The following PAPPA variants were observed in gnomAD, a reference collection of about 807,000 sequenced individuals.
The protein encoded by PAPPA is pappalysin 1, also known as pappalysin-1.
A neutral mutation model predicts 164.0 loss-of-function variants in PAPPA; 60 were observed. The observed-to-expected ratio is 0.37, with a 90% CI of 0.30 to 0.45. PAPPA has a LOEUF of 0.45. Ranked by LOEUF, PAPPA falls within the 20% of genes least tolerant of loss-of-function variation. The pLI is 1.00. For synonymous variants in PAPPA, 875 were observed against 814.1 expected, an observed-to-expected ratio of 1.07 and a Z score of -1.27; for missense variants, 1,782 against 2,087.3, an observed-to-expected ratio of 0.85 and a Z score of 2.85.
intron 21 of PAPPA, among the ~76,000 whole-genome samples, chr9:116,394,842 AT>A (rs1846941367): frequency 6.6e-6 from 1 of 152,208 alleles, no homozygotes; most frequent in Non-Finnish European, 1.5e-5. Context: ...TGTGGTAGCC[AT>A]AAGTACAAAG....
intron 6 of PAPPA, among the ~76,000 whole-genome samples, chr9:116,234,626 T>C (rs1418545631): frequency 3.3e-5 from 5 of 152,226 alleles, no homozygotes; most frequent in African/African-American, 4.8e-5. Flanking sequence ...CTGCATCCAA[T>C]AGGGAGAACA....
At chr9:116,390,046 A>G (rs1846870504) in intron 21 of PAPPA, among the ~76,000 whole-genome samples, 1 of 152,066 alleles carries the variant, frequency 6.6e-6, no homozygotes, top group African/African-American at 2.4e-5. Context: ...TTTTTGCATG[A>G]GTGAATTTAG....
At chr9:116,171,214 G>T (rs138872312) in intron 1 of PAPPA, among the ~76,000 whole-genome samples, 1 of 152,214 alleles carries the variant, frequency 6.6e-6, no homozygotes, top group African/African-American at 2.4e-5. Context: ...TTAGCCTCTG[G>T]GACTCTTTTT....
chr9:116,184,228 T>A lies in PAPPA; in HGVS notation c.416-2926T>A, dbSNP rs73654626. 3.7e-3 allele frequency among the ~76,000 whole-genome samples: 566 copies of A among 152,304 alleles called. 6 individuals carry two copies. Among genetic ancestry groups the A allele is most frequent in the African/African-American group, 0.012 (499 of 41,570 alleles). ...TCCATAACAGGCAGCAACAGATAGA[T>A]CTGGCGCAACTCACTTCAAATCTGG... On this transcript the variant is annotated intron_variant, in intron 1 of 21. Coordinates refer to ENST00000328252, the MANE Select transcript of PAPPA (RefSeq NM_002581.5).
chr9:116,227,182 T>G (rs1385952375), intron 5 of PAPPA, among the ~76,000 whole-genome samples: 1 of 152,200 alleles, frequency 6.6e-6, no homozygotes, highest in Non-Finnish European at 1.5e-5. Context: ...GACTTTGTGC[T>G]GCTAAAAGTC....
chr9:116,272,007 C>T (rs942492255), intron 9 of PAPPA, among the ~76,000 whole-genome samples: 1 of 152,152 alleles, frequency 6.6e-6, no homozygotes, highest in African/African-American at 2.4e-5. Context: ...AATAGCAGAC[C>T]AGCCTGTGTT....
At chr9:116,182,317 C>T (rs963401645) in intron 1 of PAPPA, among the ~76,000 whole-genome samples, 1 of 152,174 alleles carries the variant, frequency 6.6e-6, no homozygotes, top group Non-Finnish European at 1.5e-5. Context: ...CTTTCAATAA[C>T]AAACTCTACA....
At chr9:116,269,466 C>A (rs1335459088) in intron 8 of PAPPA, among the ~76,000 whole-genome samples, 1 of 152,122 alleles carries the variant, frequency 6.6e-6, no homozygotes, top group Non-Finnish European at 1.5e-5. Context: ...CTTCCTTTGG[C>A]AAATTACAGC....
intron 7 of PAPPA, among the ~76,000 whole-genome samples, chr9:116,262,554 G>A (rs556133681): frequency 1.3e-5 from 2 of 152,180 alleles, no homozygotes; most frequent in Admixed American, 6.5e-5. Context: ...ATATTCTGAC[G>A]ATGTTGGCAA....
At chr9:116,194,307 G>A (rs766095996) in intron 2 of PAPPA, among the ~76,000 whole-genome samples, 6 of 152,154 alleles carry the variant, frequency 3.9e-5, no homozygotes, top group Admixed American at 2.6e-4. Flanking sequence ...ATTGCCATGA[G>A]GGTCTCATAA....
chr9:116,374,853 T>C (rs978514255), intron 19 of PAPPA, among the ~76,000 whole-genome samples: 2 of 152,242 alleles, frequency 1.3e-5, no homozygotes, highest in Non-Finnish European at 2.9e-5. Context: ...GTGATCCTCT[T>C]CACCCAGCCC....
chr9:116,166,732 C>T (rs1193628344), intron 1 of PAPPA, among the ~76,000 whole-genome samples: 1 of 152,198 alleles, frequency 6.6e-6, no homozygotes, highest in Non-Finnish European at 1.5e-5. Context: ...TTGCATGACT[C>T]CCTGAAGTAC....
At chr9:116,267,645 G>A (rs1226033953) in intron 8 of PAPPA, among the ~76,000 whole-genome samples, 1 of 151,754 alleles carries the variant, frequency 6.6e-6, no homozygotes, top group African/African-American at 2.4e-5. Flanking sequence ...AGGCCGAGGC[G>A]GGTGGATCAT....
At chr9:116,249,973 G>T (rs780445766) in intron 7 of PAPPA, among the ~76,000 whole-genome samples, 1 of 151,952 alleles carries the variant, frequency 6.6e-6, no homozygotes, top group Non-Finnish European at 1.5e-5. Flanking sequence ...TTGTATGCAT[G>T]TGTGTGTGTG....
chr9:116,208,833 T>TGTGTGTGTGC lies in PAPPA; in HGVS notation c.1624+1243_1624+1252dup, dbSNP rs1315619337. Among the ~76,000 whole-genome samples, 3 of 152,298 alleles carry TGTGTGTGTGC rather than the reference T, an allele frequency of 2.0e-5. No individual in the cohort carries two copies. The East Asian group carries it at 5.8e-4, about 29-fold the overall frequency. On this transcript the variant is annotated intron_variant, in intron 3 of 21. Transcript: ENST00000328252. ...AGAGAATGAAACCAATTTGTGTGTG[T>TGTGTGTGTGC]GTGTGTGTGCGTGTGTGTGCATGTG...
chr9:116,244,503 G>C (rs1034903905), intron 7 of PAPPA, among the ~76,000 whole-genome samples: 1 of 152,158 alleles, frequency 6.6e-6, no homozygotes, highest in South Asian at 2.1e-4. Flanking sequence ...TCTGGTAGGA[G>C]AGCTGAATAA....
At chr9:116,212,792 CTCTTA>C (rs1211004186) in intron 4 of PAPPA, among the ~76,000 whole-genome samples, 1 of 152,082 alleles carries the variant, frequency 6.6e-6, no homozygotes, top group Non-Finnish European at 1.5e-5. Flanking sequence ...TGAATAAATT[CTCTTA>C]TAACAGGTAT....
At chr9:116,261,768 T>C (rs1437347890) in intron 7 of PAPPA, among the ~76,000 whole-genome samples, 2 of 152,212 alleles carry the variant, frequency 1.3e-5, no homozygotes, top group Non-Finnish European at 2.9e-5. Flanking sequence ...GGCAGAATAC[T>C]GAGATCATAT....
intron 4 of PAPPA, among the ~76,000 whole-genome samples, chr9:116,218,985 T>G (rs1272444059): frequency 2.0e-5 from 3 of 152,340 alleles, no homozygotes; most frequent in East Asian, 3.9e-4. Context: ...ACTACTCATA[T>G]TTTCAGCATG....
Sources: gnomAD v4.1 joint callset for allele counts (sites outside exome capture counted in the v4.1 genomes callset) on GRCh38, gnomAD v4.1.1 for gene constraint, MANE v1.5 for transcripts, NCBI Gene and HGNC (gene_info 2026-07-23, HGNC 2026-07-21) for gene names.